ATXN7L1: variants seen among roughly 807,000 people sequenced by gnomAD.
The protein encoded by ATXN7L1 is ataxin-7-like protein 1.
Under a neutral mutation model 70.8 loss-of-function variants are expected in ATXN7L1, and 15 were observed. The ratio of observed to expected loss-of-function variants is 0.21; its 90% CI spans 0.14 to 0.33. The LOEUF (loss-of-function observed/expected upper bound fraction) is 0.33, where lower values mean the gene tolerates loss of function less well. Among genes scored for constraint, ATXN7L1 ranks in the 10% least tolerant of loss-of-function variants. The pLI is 1.00. For missense variants in ATXN7L1, 975 were observed against 1,097.1 expected (o/e 0.89, Z 1.57); for synonymous variants, 440 against 445.1 (o/e 0.99, Z 0.14).
rs563608798 is a variant in ATXN7L1, at chr7:105,629,487, T to C, written c.1203-5220A>G. On this transcript the variant is annotated intron_variant, in intron 7 of 11. Coordinates refer to ENST00000419735, the MANE Select transcript of ATXN7L1 (RefSeq NM_020725.2). ...ATATATAATTATATATTATTTTTTATATATATGTATTATTATTATTATTGT... is the reference window on the plus strand; with the variant it reads ...ATATATAATTATATATTATTTTTTACATATATGTATTATTATTATTATTGT... 3.4e-5 allele frequency among the ~76,000 whole-genome samples: 5 copies of C among 148,190 alleles called. No homozygotes were observed. The South Asian group carries it at 1.0e-3, about 31-fold the overall frequency.
At chr7:105,860,274 G>T (rs80061465) in intron 2 of ATXN7L1, among the ~76,000 whole-genome samples, 2,477 of 151,042 alleles carry the variant, frequency 0.016, 40 homozygotes, top group East Asian at 0.066. Context: ...GAGCTGCAAG[G>T]GCAAAAAAGA....
chr7:105,615,136 TCTC>T (rs1329596551), intron 9 of ATXN7L1, among the ~76,000 whole-genome samples: 1 of 152,208 alleles, frequency 6.6e-6, no homozygotes, highest in Non-Finnish European at 1.5e-5. Context: ...TCCCCAGTAT[TCTC>T]CTCTCTCAAC....
In ATXN7L1 at chr7:105,631,348, G is replaced by A. The variant is rs573425556; in HGVS notation, c.1202+7005C>T. Among the ~76,000 whole-genome samples, 15 of 152,220 alleles carry A rather than the reference G, an allele frequency of 9.9e-5. No homozygotes were observed. In the South Asian group the frequency reaches 3.1e-3, roughly 32 times the overall value. ...GCTGCAAAAGTCATAGGTGAGGTGAGGACTAAATACAGCTCAAGAGTTAAA... is the reference window on the plus strand; with the variant it reads ...GCTGCAAAAGTCATAGGTGAGGTGAAGACTAAATACAGCTCAAGAGTTAAA... On this transcript the variant is annotated intron_variant, in intron 7 of 11. Coordinates refer to ENST00000419735, the MANE Select transcript of ATXN7L1 (RefSeq NM_020725.2).
At chr7:105,771,276 A>G (rs1801972218) in intron 3 of ATXN7L1, among the ~76,000 whole-genome samples, 1 of 151,766 alleles carries the variant, frequency 6.6e-6, no homozygotes, top group South Asian at 2.1e-4. Flanking sequence ...CTGCATTTTT[A>G]CAAGATTTTT....
chr7:105,703,247 G>A (rs1448016935), intron 3 of ATXN7L1, among the ~76,000 whole-genome samples: 3 of 151,446 alleles, frequency 2.0e-5, no homozygotes, highest in Non-Finnish European at 4.4e-5. Flanking sequence ...AGAGGTTGCG[G>A]TGAGCCGAGA....
intron 2 of ATXN7L1, among the ~76,000 whole-genome samples, chr7:105,790,402 A>G (rs533240962): frequency 3.5e-4 from 54 of 152,116 alleles, no homozygotes; most frequent in Non-Finnish European, 4.7e-4. Context: ...ACGAAGTGAG[A>G]CCCCCATCTC....
intron 4 of ATXN7L1, among the ~76,000 whole-genome samples, chr7:105,664,575 G>GTGTGTATGTGTGTATATATATATATA: frequency 7.6e-6 from 1 of 131,990 alleles, no homozygotes; most frequent in African/African-American, 2.8e-5. Context: ...GTATGTGTGT[G>GTGTGTATGTGTGTATATATATATATA]TATATATATA....
intron 3 of ATXN7L1, among the ~76,000 whole-genome samples, chr7:105,758,313 C>T (rs139141950): frequency 3.9e-5 from 6 of 152,300 alleles, no homozygotes; most frequent in South Asian, 2.1e-4. Flanking sequence ...ACATCCATGA[C>T]GGTGATTAAT....
intron 3 of ATXN7L1, among the ~76,000 whole-genome samples, chr7:105,697,799 CT>C (rs1409241402): frequency 1.1e-4 from 16 of 152,200 alleles, no homozygotes; most frequent in Non-Finnish European, 1.5e-4. Flanking sequence ...TCCATAAAAT[CT>C]TCACAATCCA....
chr7:105,769,148 G>A (rs1801657713), intron 3 of ATXN7L1, among the ~76,000 whole-genome samples: 1 of 152,202 alleles, frequency 6.6e-6, no homozygotes, highest in African/African-American at 2.4e-5. Context: ...AAATGAAAAT[G>A]AGTGAGCTAC....
intron 11 of ATXN7L1, among the ~76,000 whole-genome samples, chr7:105,609,176 CT>C (rs887755241): frequency 3.2e-4 from 47 of 147,086 alleles, no homozygotes; most frequent in Admixed American, 4.8e-4. Context: ...TCCCCCTCCT[CT>C]TTTTTTTTTT....
chr7:105,690,239 A>G (rs1385125538), intron 3 of ATXN7L1, among the ~76,000 whole-genome samples: 1 of 152,150 alleles, frequency 6.6e-6, no homozygotes, highest in East Asian at 1.9e-4. Context: ...TCCCGACCTC[A>G]GGTGATCCGC....
chr7:105,794,632 GA>G (rs1282371438), intron 2 of ATXN7L1, among the ~76,000 whole-genome samples: 2 of 152,128 alleles, frequency 1.3e-5, no homozygotes, highest in Non-Finnish European at 2.9e-5. Context: ...AACTGAAATG[GA>G]AATCATTATA....
chr7:105,803,265 C>T (rs1487166991), intron 2 of ATXN7L1, among the ~76,000 whole-genome samples: 1 of 152,260 alleles, frequency 6.6e-6, no homozygotes, highest in Non-Finnish European at 1.5e-5. Context: ...GGCATCCATG[C>T]ATCCACACCA....
chr7:105,654,027 T>C (rs1800247283), intron 4 of ATXN7L1, among the ~76,000 whole-genome samples: 1 of 152,224 alleles, frequency 6.6e-6, no homozygotes, highest in African/African-American at 2.4e-5. Flanking sequence ...CTGACCAGAC[T>C]GTGAGCTGCC....
At chr7:105,811,026 G>A (rs1268112666) in intron 2 of ATXN7L1, among the ~76,000 whole-genome samples, 3 of 152,206 alleles carry the variant, frequency 2.0e-5, no homozygotes, top group African/African-American at 7.2e-5. Context: ...AACCTAGAAA[G>A]GCCACAGATG....
rs191311586 is a variant in ATXN7L1 at position 105,795,138 on chromosome 7, C to G, written c.251-6430G>C. Reference sequence around the variant, plus strand: ...GGTGGCAGAGGAGGGAGGGATGGAACAGAACTCAGTTGTGACGTAAGGAGA... The same window carrying G: ...GGTGGCAGAGGAGGGAGGGATGGAAGAGAACTCAGTTGTGACGTAAGGAGA... On this transcript the variant is annotated intron_variant, in intron 2 of 11. Transcript: ENST00000419735. Among the ~76,000 whole-genome samples, 29 of 152,286 alleles carry G rather than the reference C, an allele frequency of 1.9e-4. No individual in the cohort carries two copies. The East Asian group carries it at 4.2e-3, about 22-fold the overall frequency.
At chr7:105,840,142 G>GT (rs1812990425) in intron 2 of ATXN7L1, among the ~76,000 whole-genome samples, 1 of 152,230 alleles carries the variant, frequency 6.6e-6, no homozygotes, top group Admixed American at 6.5e-5. Flanking sequence ...AAGGGCCACA[G>GT]TGAGGGGCTG....
chr7:105,856,083 G>A (rs774743483), intron 2 of ATXN7L1, among the ~76,000 whole-genome samples: 1 of 152,152 alleles, frequency 6.6e-6, no homozygotes, highest in East Asian at 1.9e-4. Context: ...AGAAAGTCAC[G>A]TCACTAACAA....
Sources: allele counts gnomAD v4.1 joint callset (sites outside exome capture counted in the v4.1 genomes callset), GRCh38; gene constraint gnomAD v4.1.1; transcripts MANE v1.5; gene names NCBI Gene and HGNC (gene_info 2026-07-23, HGNC 2026-07-21).